Variants in CCDC178 observed in about 807,000 individuals in gnomAD.
CCDC178 encodes coiled-coil domain containing 178.
CCDC178 carries 126 observed loss-of-function variants against 117.4 expected under a neutral mutation model. That is an observed-to-expected ratio of 1.07 (90% CI 0.93 to 1.24). The LOEUF is 1.24. Among genes scored for constraint, CCDC178 ranks in the 50% most tolerant of loss-of-function variants. CCDC178 has a pLI of 0.00. For missense variants in CCDC178, 1,030 were observed against 986.9 expected (o/e 1.04, Z -0.59); for synonymous variants, 283 against 313.4 (o/e 0.90, Z 1.02).
chr18:33,397,194 C>A lies in CCDC178; in HGVS notation c.73G>T (p.Glu25Ter), dbSNP rs201369584. The A allele has an allele frequency of 3.7e-6, 6 of 1,605,996 alleles. No homozygotes were observed. In the African/African-American group the frequency reaches 6.7e-5, roughly 18 times the overall value. ...GCCTTCTCTCTGAGAGCCTTTACTT[C>A]CTGACATGTTAAACCTATAAAAGGT... ...DQTNIGLTCQEVKALREKAWS... is the reference protein window; with the variant it reads ...DQTNIGLTCQ Residue 25 changes from glutamate to a stop codon, truncating the protein, a stop_gained, in exon 4 of 23, where the codon GAA becomes TAA. Coordinates refer to ENST00000383096, the MANE Select transcript of CCDC178 (RefSeq NM_001105528.4). LOFTEE classifies it high-confidence loss of function.
Position 33,091,324 on chromosome 18 carries a change from C to CTTTTTTTTTTTTTTTTTTTTTTTTTT in CCDC178, c.2388+1411_2388+1436dup, listed in dbSNP as rs746505005. On this transcript the variant is annotated intron_variant, in intron 21 of 22. Coordinates refer to ENST00000383096, the MANE Select transcript of CCDC178 (RefSeq NM_001105528.4). ...CTTTCCCAAACACACTTATTTCATT[C>CTTTTTTTTTTTTTTTTTTTTTTTTTT]TTTTTTTTTTTTTTTTTTTTTTTTT... Among the ~76,000 whole-genome samples, 9 of 43,898 alleles carry CTTTTTTTTTTTTTTTTTTTTTTTTTT rather than the reference C, an allele frequency of 2.1e-4. 3 individuals are homozygous for CTTTTTTTTTTTTTTTTTTTTTTTTTT. The highest frequency in any genetic ancestry group is 8.2e-4 in the East Asian group (1 of 1,226). The allele number at this position is 43,898 out of a possible 152,430, so 28.8% of individuals were successfully genotyped here.
At chr18:33,002,005 C>A (rs1056216461) in intron 21 of CCDC178, among the ~76,000 whole-genome samples, 2 of 152,084 alleles carry the variant, frequency 1.3e-5, no homozygotes, top group Non-Finnish European at 2.9e-5. Context: ...ATGCACCAAG[C>A]ACTGGATCAT....
chr18:33,076,997 C>G (rs910827809), intron 21 of CCDC178, among the ~76,000 whole-genome samples: 1 of 152,180 alleles, frequency 6.6e-6, no homozygotes, highest in Non-Finnish European at 1.5e-5. Flanking sequence ...TGAACTTTCA[C>G]CATGGATTAG....
intron 22 of CCDC178, among the ~76,000 whole-genome samples, chr18:32,944,030 G>A (rs753298367): frequency 3.9e-5 from 6 of 152,140 alleles, no homozygotes; most frequent in Admixed American, 2.6e-4. Flanking sequence ...CCGGCACAGT[G>A]GAAGATATTG....
intron 15 of CCDC178, among the ~76,000 whole-genome samples, chr18:33,243,289 T>C (rs932253257): frequency 2.9e-4 from 44 of 151,954 alleles, no homozygotes; most frequent in African/African-American, 1.0e-3. Context: ...TTTTAAAGGA[T>C]GCTAAATGAT....
In CCDC178 at chr18:33,072,138, A is replaced by G. The variant is rs150647501; in HGVS notation, c.2388+20623T>C. ...CTCCCTTCTAATTTTGGTTACTAATACTATACTTTTAAATGAATTCAGAGA... is the reference window on the plus strand; with the variant it reads ...CTCCCTTCTAATTTTGGTTACTAATGCTATACTTTTAAATGAATTCAGAGA... On this transcript the variant is annotated intron_variant, in intron 21 of 22. Coordinates refer to ENST00000383096, the MANE Select transcript of CCDC178 (RefSeq NM_001105528.4). 8.3e-4 allele frequency among the ~76,000 whole-genome samples: 127 copies of G among 152,224 alleles called. 1 individual carries two copies. Among genetic ancestry groups the G allele is most frequent in the African/African-American group, 3.0e-3 (124 of 41,544 alleles).
At chr18:33,377,005 T>G (rs1288413802) in intron 5 of CCDC178, among the ~76,000 whole-genome samples, 1 of 152,216 alleles carries the variant, frequency 6.6e-6, no homozygotes, top group African/African-American at 2.4e-5. Flanking sequence ...GTTCAGCTCT[T>G]AGTTATTAGA....
chr18:33,244,287 C>T (rs1439266053), intron 15 of CCDC178, among the ~76,000 whole-genome samples: 1 of 151,758 alleles, frequency 6.6e-6, no homozygotes, highest in Non-Finnish European at 1.5e-5. Context: ...ACAGGAGACA[C>T]GTATGTGTGT....
At chr18:33,156,289 A>G (rs1186678853) in intron 20 of CCDC178, among the ~76,000 whole-genome samples, 2 of 151,366 alleles carry the variant, frequency 1.3e-5, no homozygotes, top group Non-Finnish European at 3.0e-5. Context: ...GAGATTTCAC[A>G]ATGTTGGCCA....
intron 21 of CCDC178, among the ~76,000 whole-genome samples, chr18:33,081,107 G>C (rs1275652496): frequency 1.3e-5 from 2 of 152,090 alleles, no homozygotes; most frequent in Non-Finnish European, 2.9e-5. Context: ...CTGAACAGAG[G>C]AGGACATATT....
At chr18:33,325,856 T>C (rs966068506) in intron 10 of CCDC178, among the ~76,000 whole-genome samples, 4 of 152,214 alleles carry the variant, frequency 2.6e-5, no homozygotes, top group Admixed American at 6.5e-5. Flanking sequence ...TTATATAGTA[T>C]AGAATGAGAC....
chr18:33,369,125 A>C (rs2063261055), intron 6 of CCDC178, among the ~76,000 whole-genome samples: 1 of 151,960 alleles, frequency 6.6e-6, no homozygotes, highest in African/African-American at 2.4e-5. Context: ...TGATTTGGAG[A>C]AATATAGAAA....
At chr18:33,323,961 A>C (rs1467931169) in intron 10 of CCDC178, among the ~76,000 whole-genome samples, 1 of 151,870 alleles carries the variant, frequency 6.6e-6, no homozygotes, top group Non-Finnish European at 1.5e-5. Context: ...TATCGCAAAC[A>C]AAGTGACCTG....
intron 20 of CCDC178, among the ~76,000 whole-genome samples, chr18:33,129,677 A>G (rs1395082474): frequency 6.6e-6 from 1 of 151,966 alleles, no homozygotes; most frequent in Non-Finnish European, 1.5e-5. Flanking sequence ...TTTGGATTTC[A>G]TTTCATCAAT....
chr18:33,081,167 G>A (rs2057291248), intron 21 of CCDC178, among the ~76,000 whole-genome samples: 1 of 152,118 alleles, frequency 6.6e-6, no homozygotes, highest in Admixed American at 6.5e-5. Flanking sequence ...GTCACAATGT[G>A]TCTGAGGTTT....
At chr18:32,939,640 A>G (rs979646171) in intron 22 of CCDC178, among the ~76,000 whole-genome samples, 2 of 152,140 alleles carry the variant, frequency 1.3e-5, no homozygotes, top group African/African-American at 4.8e-5. Flanking sequence ...AATGACGGTG[A>G]CTGAGCCTTG....
chr18:33,113,719 C>T (rs1044277007), intron 20 of CCDC178, among the ~76,000 whole-genome samples: 1 of 151,980 alleles, frequency 6.6e-6, no homozygotes, highest in Non-Finnish European at 1.5e-5. Context: ...ATGTTTTACT[C>T]CCTCAGAAAC....
chr18:33,405,399 T>C (rs553870217), intron 3 of CCDC178, among the ~76,000 whole-genome samples: 1 of 151,848 alleles, frequency 6.6e-6, no homozygotes, highest in South Asian at 2.1e-4. Flanking sequence ...CCAAAATTTT[T>C]ATATTCTAGT....
intron 20 of CCDC178, among the ~76,000 whole-genome samples, chr18:33,187,086 G>GGAGAGAGAGAGAGAGAGAGA (rs58400297): frequency 3.1e-4 from 44 of 140,098 alleles, no homozygotes; most frequent in African/African-American, 8.1e-4. Context: ...CATGGCGGCA[G>GGAGAGAGAGAGAGAGAGAGA]GAGAGAGAGA....
Sources: gnomAD v4.1 joint callset for allele counts (sites outside exome capture counted in the v4.1 genomes callset) on GRCh38, gnomAD v4.1.1 for gene constraint, MANE v1.5 for transcripts, NCBI Gene and HGNC (gene_info 2026-07-23, HGNC 2026-07-21) for gene names.